MKLN1: variants seen among roughly 807,000 people sequenced by gnomAD.
MKLN1 encodes muskelin.
In MKLN1, 18 loss-of-function variants were observed where a neutral mutation model predicts 99.0. The observed-to-expected ratio is 0.18, with a 90% CI of 0.13 to 0.27. The LOEUF is 0.27. Ranked by LOEUF, MKLN1 falls within the 10% of genes least tolerant of loss-of-function variation. The probability of loss-of-function intolerance (pLI) is 1.00; values close to 1 mark genes in which losing one functional copy is unlikely to be tolerated. For synonymous variants in MKLN1, 288 were observed against 293.2 expected, an observed-to-expected ratio of 0.98 and a Z score of 0.18; for missense variants, 621 against 875.9, an observed-to-expected ratio of 0.71 and a Z score of 3.67.
intron 12 of MKLN1, among the ~76,000 whole-genome samples, chr7:131,462,587 G>A (rs914318230): frequency 1.3e-5 from 2 of 151,940 alleles, no homozygotes; most frequent in Non-Finnish European, 1.5e-5. Context: ...TTTCCCTGTA[G>A]CTGGCAATTG....
intron 1 of MKLN1, among the ~76,000 whole-genome samples, chr7:131,337,889 G>T (rs766544978): frequency 6.6e-6 from 1 of 151,968 alleles, no homozygotes; most frequent in African/African-American, 2.4e-5. Flanking sequence ...TACAAATTTT[G>T]TATCTATAAT....
chr7:131,114,816 A>G (rs1480838338), intron 1 of MKLN1, among the ~76,000 whole-genome samples: 1 of 152,138 alleles, frequency 6.6e-6, no homozygotes, highest in Non-Finnish European at 1.5e-5. Flanking sequence ...ACACACCTGT[A>G]GTCCCAGCTA....
intron 1 of MKLN1, among the ~76,000 whole-genome samples, chr7:131,142,012 C>G (rs1795740586): frequency 6.6e-6 from 1 of 152,128 alleles, no homozygotes; most frequent in Admixed American, 6.6e-5. Context: ...TGTGGTGGCT[C>G]ACAACAGTAA....
intron 2 of MKLN1, among the ~76,000 whole-genome samples, chr7:131,183,811 A>G (rs1246704186): frequency 1.3e-5 from 2 of 152,124 alleles, no homozygotes; most frequent in African/African-American, 4.8e-5. Context: ...CTTTGGTGAC[A>G]CATGGTTGCT....
intron 16 of MKLN1, 99 bp downstream of exon 16, chr7:131,471,043 G>A (rs561726931): frequency 1.9e-5 from 14 of 756,738 alleles, no homozygotes; most frequent in East Asian, 1.1e-4. Flanking sequence ...AAAGGAAAAC[G>A]AAGAAAATAT....
At chr7:131,114,721 G>A (rs1337521478) in intron 1 of MKLN1, among the ~76,000 whole-genome samples, 1 of 152,050 alleles carries the variant, frequency 6.6e-6, no homozygotes, top group Non-Finnish European at 1.5e-5. Context: ...CGAGGTGAGC[G>A]AATCACCTGA....
intron 3 of MKLN1, among the ~76,000 whole-genome samples, chr7:131,225,480 T>C (rs902993991): frequency 2.0e-5 from 3 of 152,298 alleles, no homozygotes; most frequent in South Asian, 2.1e-4. Context: ...AGCCACCTCA[T>C]ATTTTTATAT....
At position 131,345,462 on chromosome 7, in the gene MKLN1, C is replaced by T. The variant is rs189622546; in HGVS notation, c.98+17465C>T. The stretch of plus-strand genomic sequence containing the variant: ...ACTGTAGTAACAGAAATTCCTTCAG[C>T]TCCCTTGTATTTATTTATGTGAGCA... On this transcript the variant is annotated intron_variant, in intron 1 of 17. Coordinates refer to ENST00000352689, the MANE Select transcript of MKLN1 (RefSeq NM_013255.5). Among the ~76,000 whole-genome samples the T allele has an allele frequency of 6.2e-4, 95 of 152,276 alleles. 1 individual carries two copies. The highest frequency in any genetic ancestry group is 2.1e-3 in the African/African-American group (88 of 41,544).
intron 3 of MKLN1, among the ~76,000 whole-genome samples, chr7:131,321,879 A>G (rs1463087006): frequency 6.6e-6 from 1 of 152,244 alleles, no homozygotes; most frequent in Non-Finnish European, 1.5e-5. Context: ...TACAACTCAC[A>G]TTTCTATCTG....
At chr7:131,483,969 T>A (rs1316668508) in intron 17 of MKLN1, among the ~76,000 whole-genome samples, 1 of 152,216 alleles carries the variant, frequency 6.6e-6, no homozygotes, top group Non-Finnish European at 1.5e-5. Flanking sequence ...TACGCATGCA[T>A]ACACTCATAT....
chr7:131,362,598 C>T (rs901016347), intron 1 of MKLN1, among the ~76,000 whole-genome samples: 2 of 151,950 alleles, frequency 1.3e-5, no homozygotes, highest in Non-Finnish European at 1.5e-5. Context: ...CTGTCTAGTT[C>T]CAATTATATA....
At chr7:131,194,454 G>A (rs1331110163) in intron 2 of MKLN1, among the ~76,000 whole-genome samples, 1 of 152,120 alleles carries the variant, frequency 6.6e-6, no homozygotes, top group African/African-American at 2.4e-5. Context: ...CATATAACAG[G>A]TGAGATATTT....
intron 3 of MKLN1, among the ~76,000 whole-genome samples, chr7:131,224,677 G>A (rs1797114023): frequency 6.6e-6 from 1 of 152,072 alleles, no homozygotes; most frequent in African/African-American, 2.4e-5. Flanking sequence ...AGGAGTTGGA[G>A]GTTACAGTGA....
intron 6 of MKLN1, among the ~76,000 whole-genome samples, chr7:131,407,655 C>G (rs1290034978): frequency 6.6e-6 from 1 of 151,046 alleles, no homozygotes; most frequent in Non-Finnish European, 1.5e-5. Flanking sequence ...TTTCCCCTTT[C>G]CCAACTGCCA....
rs944004135 is a variant in MKLN1, at chr7:131,477,193, A to G, written c.2032-1430A>G. ...ACTAAAGGCAGTAATCATCGAAGAA[A>G]AATATGGATAAATTGGACTTCAAAA... On this transcript the variant is annotated intron_variant, in intron 16 of 17. Coordinates refer to ENST00000352689, the MANE Select transcript of MKLN1 (RefSeq NM_013255.5). Among the ~76,000 whole-genome samples the G allele has an allele frequency of 1.9e-4, 29 of 152,180 alleles. 1 individual carries two copies. The highest frequency in any genetic ancestry group is 1.5e-5 in the Non-Finnish European group (1 of 68,032).
intron 3 of MKLN1, among the ~76,000 whole-genome samples, chr7:131,275,205 A>G (rs1797941747): frequency 6.6e-6 from 1 of 152,012 alleles, no homozygotes; most frequent in Admixed American, 6.6e-5. Context: ...GTTGCAGTCA[A>G]TTCTTGCTGT....
At chr7:131,201,779 C>A (rs1584829885) in intron 2 of MKLN1, among the ~76,000 whole-genome samples, 2 of 152,296 alleles carry the variant, frequency 1.3e-5, no homozygotes, top group Admixed American at 1.3e-4. Flanking sequence ...TAGCTTCTGA[C>A]AAATGAGTGT....
At chr7:131,392,738 C>T (rs1160693320) in intron 4 of MKLN1, among the ~76,000 whole-genome samples, 4 of 151,436 alleles carry the variant, frequency 2.6e-5, no homozygotes, top group African/African-American at 7.3e-5. Flanking sequence ...CCTAAGTAGC[C>T]GTGATTACAG....
At chr7:131,114,175 C>G (rs1157948191) in intron 1 of MKLN1, among the ~76,000 whole-genome samples, 1 of 152,118 alleles carries the variant, frequency 6.6e-6, no homozygotes, top group African/African-American at 2.4e-5. Flanking sequence ...TTGATGGTAT[C>G]CTCCATCAAT....
Sources: allele counts gnomAD v4.1 joint callset (sites outside exome capture counted in the v4.1 genomes callset), GRCh38; gene constraint gnomAD v4.1.1; transcripts MANE v1.5; gene names NCBI Gene and HGNC (gene_info 2026-07-23, HGNC 2026-07-21).